SAXO1: variants seen among roughly 807,000 people sequenced by gnomAD.
SAXO1 encodes the protein 4930500O09Rik.
SAXO1 carries 21 observed loss-of-function variants against 17.5 expected under a neutral mutation model. The observed-to-expected ratio is 1.20, with a 90% CI of 0.85 to 1.72. The LOEUF is 1.72. SAXO1 is among the 40% of genes most tolerant of loss of function. The pLI, the probability that SAXO1 is intolerant of heterozygous loss-of-function variation, is 0.00. For synonymous variants in SAXO1, 274 were observed against 216.5 expected (o/e 1.27, Z -2.33); for missense variants, 843 against 596.0 (o/e 1.41, Z -4.32).
chr9:18,987,955 T>TAACTG (rs10641515), intron 1 of SAXO1, among the ~76,000 whole-genome samples: 78,144 of 151,522 alleles, frequency 0.52, 21,722 homozygotes, highest in Non-Finnish European at 0.63. Context: ...TACATCTTCA[T>TAACTG]AACTGATGAC....
intron 1 of SAXO1, among the ~76,000 whole-genome samples, chr9:19,045,169 G>A (rs2131076461): frequency 6.6e-6 from 1 of 150,786 alleles, no homozygotes; most frequent in Middle Eastern, 3.4e-3. Context: ...AATTAGCCGG[G>A]CGCGGTGGCG....
chr9:18,953,339 G>A (rs185151784), intron 1 of SAXO1, among the ~76,000 whole-genome samples: 1 of 152,070 alleles, frequency 6.6e-6, no homozygotes, highest in African/African-American at 2.4e-5. Context: ...TTTAAAAAAT[G>A]TAACACACTC....
intron 1 of SAXO1, among the ~76,000 whole-genome samples, chr9:18,953,822 G>T (rs563635445): frequency 6.5e-4 from 99 of 152,312 alleles, no homozygotes; most frequent in African/African-American, 2.1e-3. Flanking sequence ...TCTGCTAAAA[G>T]AAAGATATCT....
At chr9:18,964,272 G>A (rs1173769818) in intron 1 of SAXO1, among the ~76,000 whole-genome samples, 2 of 152,194 alleles carry the variant, frequency 1.3e-5, no homozygotes, top group Non-Finnish European at 2.9e-5. Flanking sequence ...GTATCGGGAT[G>A]ATGCTGGCCT....
intron 1 of SAXO1, among the ~76,000 whole-genome samples, chr9:18,989,016 A>G (rs1477859317): frequency 6.6e-6 from 1 of 152,196 alleles, no homozygotes; most frequent in East Asian, 1.9e-4. Flanking sequence ...TTTTTATTTT[A>G]ATAAGAAGTA....
intron 1 of SAXO1, among the ~76,000 whole-genome samples, chr9:18,986,697 A>G (rs1833607446): frequency 6.6e-6 from 1 of 152,200 alleles, no homozygotes; most frequent in Non-Finnish European, 1.5e-5. Context: ...AAAATTCCAG[A>G]AAGATTCAAT....
chr9:18,933,771 GC>G (rs1354681734), intron 3 of SAXO1, among the ~76,000 whole-genome samples: 1 of 152,204 alleles, frequency 6.6e-6, no homozygotes, highest in Non-Finnish European at 1.5e-5. Context: ...TTTGGGCCGG[GC>G]ACGGTGGCTC....
intron 1 of SAXO1, among the ~76,000 whole-genome samples, chr9:19,007,057 A>T (rs571125644): frequency 2.0e-5 from 3 of 151,034 alleles, no homozygotes; most frequent in South Asian, 2.1e-4. Flanking sequence ...AAATAAAAAT[A>T]AAAAAAATAG....
At chr9:18,958,929 T>G (rs1832367281) in intron 1 of SAXO1, among the ~76,000 whole-genome samples, 1 of 152,130 alleles carries the variant, frequency 6.6e-6, no homozygotes, top group Admixed American at 6.5e-5. Flanking sequence ...GAAAATAAGT[T>G]TCTGGGGGAA....
intron 1 of SAXO1, among the ~76,000 whole-genome samples, chr9:18,969,795 C>T (rs568854122): frequency 1.2e-4 from 19 of 152,346 alleles, no homozygotes; most frequent in African/African-American, 4.6e-4. Context: ...GAGAGCTAAG[C>T]AGGGCAGAAA....
intron 1 of SAXO1, among the ~76,000 whole-genome samples, chr9:18,982,994 G>A (rs866406293): frequency 2.0e-5 from 3 of 152,134 alleles, no homozygotes; most frequent in Admixed American, 6.5e-5. Context: ...AGGAAATCAG[G>A]AAGGGCTTCA....
intron 1 of SAXO1, among the ~76,000 whole-genome samples, chr9:19,003,102 G>C (rs1243602765): frequency 6.6e-6 from 1 of 152,048 alleles, no homozygotes; most frequent in Non-Finnish European, 1.5e-5. Context: ...ACAAAGAACA[G>C]ACAAACAGAG....
In SAXO1 at chr9:19,010,215, T is replaced by C. The variant is rs1352105505; in HGVS notation, c.38+22656A>G. Among the ~76,000 whole-genome samples the C allele has an allele frequency of 3.9e-5, 6 of 152,298 alleles. No homozygotes were observed. The East Asian group carries it at 9.6e-4, about 24-fold the overall frequency. On this transcript the variant is annotated intron_variant, in intron 1 of 3. Transcript: ENST00000380534. ...ACCTAGTAAGGTTTATTTTCACTTA[T>C]CTGCACCTTACCCTTCCCAGGACGT...
intron 1 of SAXO1, among the ~76,000 whole-genome samples, chr9:18,989,778 G>A (rs1833739035): frequency 6.6e-6 from 1 of 152,154 alleles, no homozygotes; most frequent in South Asian, 2.1e-4. Flanking sequence ...GTAGCAGGCA[G>A]CTTTTCATGG....
At chr9:19,002,366 A>C (rs11789748) in intron 1 of SAXO1, among the ~76,000 whole-genome samples, 8,124 of 152,302 alleles carry the variant, frequency 0.053, 210 homozygotes, top group African/African-American at 0.06. Flanking sequence ...ACAACAGAAA[A>C]AGAGGGACTC....
intron 1 of SAXO1, chr9:19,027,125 C>A: frequency 9.8e-7 from 1 of 1,024,616 alleles, no homozygotes; most frequent in Non-Finnish European, 1.5e-6. Flanking sequence ...CCAACATCAT[C>A]GAGCTCCTGG....
intron 3 of SAXO1, among the ~76,000 whole-genome samples, chr9:18,937,463 C>T (rs1036008764): frequency 6.6e-6 from 1 of 152,126 alleles, no homozygotes; most frequent in African/African-American, 2.4e-5. Flanking sequence ...TTTGGGAAGC[C>T]CTTCTATCAC....
At chr9:19,044,678 C>T (rs182824205) in intron 1 of SAXO1, among the ~76,000 whole-genome samples, 6 of 149,428 alleles carry the variant, frequency 4.0e-5, no homozygotes, top group African/African-American at 9.8e-5. Context: ...CTGGCTAACA[C>T]GGTGAAACCC....
intron 2 of SAXO1, among the ~76,000 whole-genome samples, chr9:18,944,088 T>C (rs1463907578): frequency 6.7e-6 from 1 of 149,816 alleles, no homozygotes; most frequent in Non-Finnish European, 1.5e-5. Context: ...CTGAAATTGG[T>C]TTCCCAAAGA....
Sources: allele counts gnomAD v4.1 joint callset (sites outside exome capture counted in the v4.1 genomes callset), GRCh38; gene constraint gnomAD v4.1.1; transcripts MANE v1.5; gene names NCBI Gene and HGNC (gene_info 2026-07-23, HGNC 2026-07-21).